The following PLCH1 variants were observed in gnomAD, a reference collection of about 807,000 sequenced individuals.
PLCH1 encodes the protein 1-phosphatidylinositol 4,5-bisphosphate phosphodiesterase eta-1.
In PLCH1, 60 loss-of-function variants were observed where a neutral mutation model predicts 126.7. The ratio of observed to expected loss-of-function variants is 0.47; its 90% CI spans 0.38 to 0.59. The LOEUF (loss-of-function observed/expected upper bound fraction) is 0.59. PLCH1 is among the 20% of genes least tolerant of loss of function. PLCH1 has a pLI of 0.00. For synonymous variants in PLCH1, 719 were observed against 734.9 expected (o/e 0.98, Z 0.35); for missense variants, 1,723 against 2,040.0 (o/e 0.84, Z 2.99).
rs1712570232 is a variant in PLCH1 at position 155,458,499 on chromosome 3, A to AAG, written c.2938+26856_2938+26857insCT. Among the ~76,000 whole-genome samples the AAG allele has an allele frequency of 8.3e-5, 5 of 60,444 alleles. No individual in the cohort carries two copies. In the African/African-American group the frequency reaches 2.4e-3, roughly 28 times the overall value. The allele number at this position is 60,444 out of a possible 152,430, so 39.7% of individuals were successfully genotyped here. ...GAAAGAAAGAAAGAAAGAAAGAAAG[A>AAG]GAAAGAAGAGAGAGAAATAAGAAAG... is the stretch of plus-strand genomic sequence containing the variant. On this transcript the variant is annotated intron_variant, in intron 21 of 21. Transcript: ENST00000494598.
intron 21 of PLCH1, among the ~76,000 whole-genome samples, chr3:155,471,705 A>G (rs1213481245): frequency 2.7e-5 from 4 of 150,848 alleles, no homozygotes; most frequent in African/African-American, 9.8e-5. Flanking sequence ...AATGTAAAAG[A>G]ACAGAAATTA....
intron 21 of PLCH1, among the ~76,000 whole-genome samples, chr3:155,465,396 T>A (rs1348928748): frequency 6.6e-6 from 1 of 151,926 alleles, no homozygotes; most frequent in African/African-American, 2.4e-5. Context: ...GGGAACCTGC[T>A]GCCTTGAAGG....
intron 1 of PLCH1, among the ~76,000 whole-genome samples, chr3:155,707,411 G>A (rs1049555148): frequency 3.9e-5 from 6 of 152,226 alleles, no homozygotes; most frequent in South Asian, 4.1e-4. Flanking sequence ...AGACAAGGCC[G>A]GGCACAGTGG....
downstream of PLCH1, among the ~76,000 whole-genome samples, chr3:155,479,202 T>C (rs926579415): frequency 7.2e-5 from 11 of 152,188 alleles, no homozygotes; most frequent in Non-Finnish European, 2.9e-5. Context: ...TTTTAACAGC[T>C]GTACAGCATG....
intron 2 of PLCH1, among the ~76,000 whole-genome samples, chr3:155,688,262 T>C (rs1208309074): frequency 6.6e-6 from 1 of 152,248 alleles, no homozygotes; most frequent in Non-Finnish European, 1.5e-5. Context: ...ATTCCTTTTA[T>C]GTCACAATAT....
chr3:155,564,852 C>T (rs1293495832), intron 8 of PLCH1, 63 bp downstream of exon 8: 2 of 1,030,638 alleles, frequency 1.9e-6, no homozygotes, highest in Non-Finnish European at 3.1e-6. Context: ...ATACTAGACT[C>T]GACAGACTGA....
Position 155,480,979 on chromosome 3 carries a change from A to G in PLCH1, c.5047T>C (p.Leu1683=). The G allele has an allele frequency of 6.3e-7, 1 of 1,582,644 alleles. No individual in the cohort carries two copies. The highest frequency in any genetic ancestry group is 8.6e-7 in the Non-Finnish European group (1 of 1,159,240). The change falls in exon 23 of 23, where the codon TTG becomes CTG. Residue 1683 remains leucine (L), a synonymous_variant. Coordinates refer to ENST00000460012, the MANE Select transcript of PLCH1 (RefSeq NM_014996.4). The part of the protein sequence containing the change: ...SDDKPEIYFL[L]RL Reference sequence around the variant, plus strand: ...CAGTTTTAAATAATTCACAGTCTCAAAAGAAAATAAATTTCTGGTTTATCA... The same window carrying G: ...CAGTTTTAAATAATTCACAGTCTCAGAAGAAAATAAATTTCTGGTTTATCA...
At chr3:155,467,616 A>G (rs1712981164) in intron 21 of PLCH1, among the ~76,000 whole-genome samples, 1 of 152,150 alleles carries the variant, frequency 6.6e-6, no homozygotes, top group African/African-American at 2.4e-5. Flanking sequence ...GAAAATAAAT[A>G]ACATACAATA....
intron 2 of PLCH1, among the ~76,000 whole-genome samples, chr3:155,604,458 A>G (rs1373143364): frequency 6.6e-6 from 1 of 152,228 alleles, no homozygotes; most frequent in African/African-American, 2.4e-5. Flanking sequence ...ATTGGTTAAC[A>G]GTTTGAAAAT....
At chr3:155,705,272 C>T (rs1329562035) in intron 1 of PLCH1, among the ~76,000 whole-genome samples, 2 of 152,134 alleles carry the variant, frequency 1.3e-5, no homozygotes, top group African/African-American at 4.8e-5. Context: ...GGTGAAGGCT[C>T]CTGAAGCTTT....
At chr3:155,620,074 A>G (rs1020727105) in intron 2 of PLCH1, among the ~76,000 whole-genome samples, 3 of 152,238 alleles carry the variant, frequency 2.0e-5, no homozygotes, top group African/African-American at 7.2e-5. Flanking sequence ...TTGTTATCCC[A>G]AATCAGTGTA....
Position 155,534,605 on chromosome 3 carries a change from G to T in PLCH1, c.1363-10601C>A, listed in dbSNP as rs1474485046. The stretch of plus-strand genomic sequence containing the variant: ...AAGACATGACTGTGTTTTGAAATGT[G>T]AGGACATGAGATGTGGGAGCAGCCA... On this transcript the variant is annotated intron_variant, in intron 10 of 22. Coordinates refer to ENST00000460012, the MANE Select transcript of PLCH1 (RefSeq NM_014996.4). Among the ~76,000 whole-genome samples, 3 of 152,312 alleles carry T rather than the reference G, an allele frequency of 2.0e-5. No homozygotes were observed. The East Asian group carries it at 5.8e-4, about 29-fold the overall frequency.
Position 155,666,893 on chromosome 3 carries a change from G to GGTGT in PLCH1, c.79+37249_79+37252dup, listed in dbSNP as rs3220185. ...AAAGGAAATGATGAGACACAGATGAGGTGTGTGTGTGTGTGTGTGTGTGTG... is the reference window on the plus strand; with the variant it reads ...AAAGGAAATGATGAGACACAGATGAGGTGTGTGTGTGTGTGTGTGTGTGTGTGTG... On this transcript the variant is annotated intron_variant, in intron 2 of 22. Coordinates refer to ENST00000460012, the MANE Select transcript of PLCH1 (RefSeq NM_014996.4). Among the ~76,000 whole-genome samples the GGTGT allele has an allele frequency of 2.1e-3, 316 of 148,764 alleles. 1 individual carries two copies. The highest frequency in any genetic ancestry group is 6.9e-3 in the Middle Eastern group (2 of 290).
At position 155,488,117 on chromosome 3, in the gene PLCH1, G is replaced by A; in HGVS notation, c.2540-10C>T. The A allele has an allele frequency of 6.3e-7, 1 of 1,580,382 alleles. No individual in the cohort carries two copies. Among genetic ancestry groups the A allele is most frequent in the African/African-American group, 1.3e-5 (1 of 74,374 alleles). On this transcript the variant is annotated splice_polypyrimidine_tract_variant and intron_variant, in intron 20 of 22. Transcript: ENST00000460012. ...TAGACATGCCGGTAGCCTGATAAAA[G>A]GAAAGAGAGTCGTTTCTTTTTAGTT...
Position 155,594,075 on chromosome 3 carries a change from G to C in PLCH1, c.336C>G (p.Gly112=). ...DPSCCFTIYH[G]NHMESLDLIT... is the part of the protein sequence containing the mutation. ...TGAGGTCCAGGGACTCCATGTGGTT[G>C]CCATGGTAGATGGTGAAGCAGCAGC... is the stretch of plus-strand genomic sequence containing the variant. The change falls in exon 4 of 23, where the codon GGC becomes GGG. Residue 112 remains glycine (G), a synonymous_variant. Transcript: ENST00000460012. 6.2e-7 allele frequency: 1 copy of C among 1,614,062 alleles called. No homozygotes were observed. Among genetic ancestry groups the C allele is most frequent in the East Asian group, 2.2e-5 (1 of 44,860 alleles).
chr3:155,726,844 C>T (rs752519804), intron 1 of PLCH1, among the ~76,000 whole-genome samples: 11 of 150,596 alleles, frequency 7.3e-5, no homozygotes, highest in East Asian at 1.9e-4. Context: ...TACAGGCACG[C>T]GCCATCCCAC....
chr3:155,475,315 A>G (rs1713491721), downstream of PLCH1, among the ~76,000 whole-genome samples: 1 of 152,076 alleles, frequency 6.6e-6, no homozygotes, highest in Non-Finnish European at 1.5e-5. Flanking sequence ...AGGATACAGC[A>G]AAAGCAGCAC....
chr3:155,559,395 C>G (rs1358995170), intron 8 of PLCH1, among the ~76,000 whole-genome samples: 1 of 151,978 alleles, frequency 6.6e-6, no homozygotes, highest in Non-Finnish European at 1.5e-5. Flanking sequence ...ACATTCAAAT[C>G]CAAGGTGACA....
At chr3:155,585,254 C>T (rs549837977) in intron 5 of PLCH1, among the ~76,000 whole-genome samples, 1 of 152,156 alleles carries the variant, frequency 6.6e-6, no homozygotes, top group Admixed American at 6.5e-5. Flanking sequence ...TCTGCTCTTA[C>T]CACCTCTAAG....
Sources: allele counts gnomAD v4.1 joint callset (sites outside exome capture counted in the v4.1 genomes callset), GRCh38; gene constraint gnomAD v4.1.1; transcripts MANE v1.5; gene names NCBI Gene and HGNC (gene_info 2026-07-23, HGNC 2026-07-21).